The following MED31 variants were observed in gnomAD, a reference collection of about 807,000 sequenced individuals.
MED31 encodes mediator complex subunit 31, also known as mediator of RNA polymerase II transcription subunit 31.
Under a neutral mutation model 22.0 loss-of-function variants are expected in MED31, and 11 were observed. That is an observed-to-expected ratio of 0.50 (90% CI 0.31 to 0.83). The LOEUF is 0.83. MED31 is among the 40% of genes least tolerant of loss of function. The pLI is 0.04. For missense variants in MED31, 122 were observed against 155.3 expected, an observed-to-expected ratio of 0.79 and a Z score of 1.14; for synonymous variants, 60 against 55.1, an observed-to-expected ratio of 1.09 and a Z score of -0.40.
intron 3 of MED31, chr17:6,649,775 G>C: frequency 2.4e-6 from 1 of 412,004 alleles, no homozygotes; most frequent in South Asian, 6.6e-5. Context: ...GGTGGAGATG[G>C]GGGCAGGAAG....
intron 3 of MED31, among the ~76,000 whole-genome samples, chr17:6,646,830 G>A (rs1022039578): frequency 6.6e-6 from 1 of 152,148 alleles, no homozygotes; most frequent in African/African-American, 2.4e-5. Context: ...AGTGAAAGAG[G>A]GAGGCCTCTT....
chr17:6,644,724 A>C, intron 3 of MED31, 65 bp from the exon 4 acceptor site: 2 of 1,458,324 alleles, frequency 1.4e-6, no homozygotes, highest in Non-Finnish European at 1.8e-6. Flanking sequence ...GGTATAATTC[A>C]GTTATTCTCT....
chr17:6,648,326 T>C (rs917589862), intron 3 of MED31, among the ~76,000 whole-genome samples: 1 of 152,204 alleles, frequency 6.6e-6, no homozygotes, highest in African/African-American at 2.4e-5. Context: ...CATGGCACAA[T>C]GGCAGAGGGT....
chr17:6,650,309 G>A (rs748683122), intron 2 of MED31, 47 bp downstream of exon 2: 4 of 1,562,436 alleles, frequency 2.6e-6, no homozygotes, highest in African/African-American at 2.7e-5. Context: ...TCTTCTGTCA[G>A]AAATCATTAA....
rs1459869499 is a variant in MED31, at chr17:6,644,611, G to C, written c.252C>G (p.Phe84Leu). Residue 84 changes from phenylalanine to leucine, a missense_variant, in exon 4 of 4, where the codon TTC (phenylalanine) becomes TTG (leucine). By Grantham distance (22) the Phe-to-Leu change is conservative (BLOSUM62 0). Transcript: ENST00000225728. ...ACTGAGCATTCACCAGCTCCTTTCG[G>C]AAGTGTTCATATTGGAGCAGCTCTA... ...HMLELLQYEH[F>L]RKELVNAQCA... The C allele has an allele frequency of 1.2e-6, 2 of 1,612,254 alleles. No homozygotes were observed. The highest frequency in any genetic ancestry group is 1.7e-6 in the Non-Finnish European group (2 of 1,179,650).
At chr17:6,647,099 T>C (rs994170662) in intron 3 of MED31, among the ~76,000 whole-genome samples, 6 of 152,198 alleles carry the variant, frequency 3.9e-5, no homozygotes, top group African/African-American at 1.4e-4. Context: ...ATGATACAGA[T>C]TCCTTTGCTC....
At chr17:6,647,187 T>C (rs1972778020) in intron 3 of MED31, among the ~76,000 whole-genome samples, 3 of 152,160 alleles carry the variant, frequency 2.0e-5, no homozygotes, top group African/African-American at 7.2e-5. Context: ...TAATGATCAA[T>C]AAATACTGAA....
In MED31 at chr17:6,644,602, C is replaced by T. The variant is rs750636010; in HGVS notation, c.261G>A (p.Glu87=). Residue 87 remains glutamate (E), a synonymous_variant, in exon 4 of 4, where the codon GAG becomes GAA. Transcript: ENST00000225728. ...ATTTCGCACACTGAGCATTCACCAG[C>T]TCCTTTCGGAAGTGTTCATATTGGA... is the stretch of plus-strand genomic sequence containing the variant. The part of the protein sequence containing the change: ...ELLQYEHFRK[E]LVNAQCAKFI... The T allele has an allele frequency of 9.3e-6, 15 of 1,613,176 alleles. No individual in the cohort carries two copies. In the South Asian group the frequency reaches 1.4e-4, roughly 15 times the overall value.
intron 1 of MED31, 127 bp downstream of exon 1, chr17:6,651,374 G>T: frequency 1.6e-6 from 2 of 1,268,588 alleles, no homozygotes; most frequent in South Asian, 1.4e-5. Flanking sequence ...CGCTACAAGA[G>T]CCTTCTCTCC....
Position 6,644,416 on chromosome 17 carries a change from AAAG to A in MED31, c.*48_*50del. The A allele has an allele frequency of 6.7e-7, 1 of 1,500,536 alleles. No homozygotes were observed. The highest frequency in any genetic ancestry group is 8.9e-7 in the Non-Finnish European group (1 of 1,127,376). 93.0% of individuals were successfully genotyped at this position (1,500,536 alleles called of 1,614,324 possible). ...TCATTTTTTTTGTCTTCACTGTACA[AAAG>A]AAATACATTATATACATGTATTAAG... is the stretch of plus-strand genomic sequence containing the variant. On this transcript the variant is annotated 3_prime_UTR_variant, in exon 4 of 4. Transcript: ENST00000225728.
intron 3 of MED31, among the ~76,000 whole-genome samples, chr17:6,648,340 TGAGAAAAATAGATGGAA>T (rs1972788488): frequency 1.3e-5 from 2 of 152,280 alleles, no homozygotes; most frequent in South Asian, 4.1e-4. Context: ...AGAGGGTAGT[TGAGAAAAATAGATGGAA>T]GAGAGATGTT....
rs778396026 is a variant in MED31, at chr17:6,651,557, G to C, written c.-29C>G. On this transcript the variant is annotated 5_prime_UTR_variant, in exon 1 of 4. Transcript: ENST00000225728. ...AAACGAAGACACCAAAACGCCACCA[G>C]CCTGACAGAGCAAAAGCCCAGAGAC... 1 of 1,613,954 alleles carries C rather than the reference G, an allele frequency of 6.2e-7. No individual in the cohort carries two copies. Among genetic ancestry groups the C allele is most frequent in the Non-Finnish European group, 8.5e-7 (1 of 1,179,906 alleles).
At chr17:6,651,453 C>G (rs1567603554) in intron 1 of MED31, 48 bp downstream of exon 1, 1 of 1,612,958 alleles carries the variant, frequency 6.2e-7, no homozygotes, top group Admixed American at 1.7e-5. Flanking sequence ...AGGTCTGGGT[C>G]AAGGAGAGTT....
At chr17:6,646,084 G>A (rs1972763481) in intron 3 of MED31, among the ~76,000 whole-genome samples, 1 of 152,166 alleles carries the variant, frequency 6.6e-6, no homozygotes, top group African/African-American at 2.4e-5. Context: ...CCACTGAGAT[G>A]AAAGGAGACT....
At chr17:6,650,562 G>A (rs1049331559) in intron 1 of MED31, 129 bp from the exon 2 acceptor site, 2 of 744,432 alleles carry the variant, frequency 2.7e-6, no homozygotes, top group South Asian at 4.0e-5. Context: ...AGGAGTGGGA[G>A]GAGATAAACC....
intron 3 of MED31, among the ~76,000 whole-genome samples, chr17:6,648,303 G>C (rs1449042281): frequency 1.3e-5 from 2 of 152,232 alleles, no homozygotes; most frequent in African/African-American, 4.8e-5. Flanking sequence ...CAACTCATGA[G>C]AACTCTGGAC....
intron 1 of MED31, 63 bp downstream of exon 1, chr17:6,651,438 G>T (rs1452662239): frequency 1.9e-6 from 3 of 1,606,198 alleles, no homozygotes; most frequent in Non-Finnish European, 2.6e-6. Context: ...GAGGCCACGG[G>T]GAAGAGGTCT....
chr17:6,649,383 T>C (rs549877012), intron 3 of MED31, among the ~76,000 whole-genome samples: 2 of 152,314 alleles, frequency 1.3e-5, no homozygotes, highest in South Asian at 4.1e-4. Flanking sequence ...GCACTGTTCC[T>C]GGCAAATAAG....
intron 1 of MED31, 71 bp downstream of exon 1, chr17:6,651,430 G>C: frequency 1.9e-6 from 3 of 1,597,180 alleles, no homozygotes; most frequent in South Asian, 1.1e-5. Context: ...CCTGGAAGGA[G>C]GCCACGGGGA....
Sources: gnomAD v4.1 joint callset for allele counts (sites outside exome capture counted in the v4.1 genomes callset) on GRCh38, gnomAD v4.1.1 for gene constraint, MANE v1.5 for transcripts, NCBI Gene and HGNC (gene_info 2026-07-23, HGNC 2026-07-21) for gene names.